Variants in TRPM4 observed in about 807,000 individuals in gnomAD.
TRPM4 encodes transient receptor potential cation channel subfamily M member 4, also known as calcium-activated non-selective cation channel 1.
Under a neutral mutation model 135.6 loss-of-function variants are expected in TRPM4, and 124 were observed. The observed-to-expected ratio is 0.91, with a 90% CI of 0.79 to 1.06. TRPM4 has a LOEUF of 1.06. Ranked by LOEUF, TRPM4 falls within the 50% of genes least tolerant of loss-of-function variation. The pLI is 0.00. For missense variants in TRPM4, 1,658 were observed against 1,671.4 expected, an observed-to-expected ratio of 0.99 and a Z score of 0.14; for synonymous variants, 745 against 705.6, an observed-to-expected ratio of 1.06 and a Z score of -0.88.
chr19:49,182,414 A>G (rs1392369385), intron 10 of TRPM4, 164 bp from the exon 11 acceptor site: 1 of 675,072 alleles, frequency 1.5e-6, no homozygotes, highest in Non-Finnish European at 2.7e-6. Context: ...CCATCTGTCC[A>G]TCCATCCATC....
intron 17 of TRPM4, among the ~76,000 whole-genome samples, chr19:49,199,064 C>T (rs1968810668): frequency 1.3e-5 from 2 of 152,028 alleles, no homozygotes; most frequent in South Asian, 2.1e-4. Flanking sequence ...TGAGGCCATG[C>T]TCGACAATGC....
intron 16 of TRPM4, among the ~76,000 whole-genome samples, chr19:49,192,002 G>A (rs915291400): frequency 2.0e-5 from 3 of 152,204 alleles, no homozygotes; most frequent in Non-Finnish European, 1.5e-5. Context: ...TGTAGCAAGC[G>A]GAATCAGTTG....
At chr19:49,198,906 T>G (rs1021397405) in intron 17 of TRPM4, among the ~76,000 whole-genome samples, 2 of 151,886 alleles carry the variant, frequency 1.3e-5, no homozygotes, top group Non-Finnish European at 2.9e-5. Flanking sequence ...GCCTTCTGTT[T>G]TTTTATTATT....
intron 16 of TRPM4, among the ~76,000 whole-genome samples, chr19:49,193,167 T>G (rs1568481220): frequency 2.0e-5 from 3 of 147,634 alleles, no homozygotes; most frequent in South Asian, 2.2e-4. Context: ...TGCAAGCTCC[T>G]CCTCCCGGGT....
At chr19:49,183,311 C>T in intron 12 of TRPM4, 99 bp downstream of exon 12, 3 of 1,516,364 alleles carry the variant, frequency 2.0e-6, no homozygotes, top group Non-Finnish European at 2.7e-6. Context: ...CCCCTGACGT[C>T]ACCTGACAGG....
In TRPM4 at chr19:49,161,684, C is replaced by T. The variant is rs141063527; in HGVS notation, c.92+3425C>T. The stretch of plus-strand genomic sequence containing the variant: ...TCGCTCTATCACCCAGGCTGGAGTG[C>T]AGTAGTGCGATCTCGGCTCACTTCA... On this transcript the variant is annotated intron_variant, in intron 2 of 24. Transcript: ENST00000252826. Among the ~76,000 whole-genome samples, 35 of 150,502 alleles carry T rather than the reference C, an allele frequency of 2.3e-4. No homozygotes were observed. The East Asian group carries it at 4.5e-3, about 19-fold the overall frequency.
At chr19:49,161,327 T>A (rs890502550) in intron 2 of TRPM4, among the ~76,000 whole-genome samples, 2 of 80,106 alleles carry the variant, frequency 2.5e-5, no homozygotes, top group East Asian at 4.5e-4. Flanking sequence ...CTCTCTCTTT[T>A]TTTTTTTTTT....
intron 14 of TRPM4, 131 bp downstream of exon 14, chr19:49,189,222 C>T (rs1483198628): frequency 7.5e-7 from 1 of 1,331,996 alleles, no homozygotes; most frequent in Non-Finnish European, 1.0e-6. Flanking sequence ...CCCAGAAAGT[C>T]TCTCTTCTCT....
rs766101913 is a variant in TRPM4 at position 49,210,778 on chromosome 19, C to G, written c.3397C>G (p.Leu1133Val). Residue 1133 changes from leucine to valine, a missense_variant, in exon 22 of 25, where the codon CTG (leucine) becomes GTG (valine). Physicochemically the swap from Leu to Val is conservative, Grantham distance 32. Coordinates refer to ENST00000252826, the MANE Select transcript of TRPM4 (RefSeq NM_017636.4). This position sits in a 1 kb window ranked among gnomAD's most constrained non-coding sequence, Gnocchi z 4.1. ...GGAATCGGTGCATAAGGAGAACTTT[C>G]TGCTGGCACGCGCTAGGGACAAGCG... The part of the protein sequence containing the change: ...TWESVHKENF[L>V]LARARDKRES... 1.9e-6 allele frequency: 3 copies of G among 1,614,064 alleles called. No homozygotes were observed. In the South Asian group the frequency reaches 3.3e-5, roughly 18 times the overall value.
chr19:49,196,160 G>C (rs1968626341), intron 16 of TRPM4, among the ~76,000 whole-genome samples: 1 of 151,916 alleles, frequency 6.6e-6, no homozygotes, highest in South Asian at 2.1e-4. Flanking sequence ...GCCCGATCCG[G>C]GTATATTTTT....
At chr19:49,181,284 A>G in intron 9 of TRPM4, 65 bp from the exon 10 acceptor site, 1 of 1,249,650 alleles carries the variant, frequency 8.0e-7, no homozygotes, top group South Asian at 1.2e-5. Context: ...TAGAGGCAAA[A>G]TAGACATTCA....
At chr19:49,182,354 GTCCA>G (rs71180605) in intron 10 of TRPM4, among the ~76,000 whole-genome samples, 2,609 of 79,614 alleles carry the variant, frequency 0.033, 64 homozygotes, top group Admixed American at 0.095. Context: ...CCATCCCTCT[GTCCA>G]TCCATCCATC....
intron 10 of TRPM4, 69 bp from the exon 11 acceptor site, chr19:49,182,509 A>C: frequency 1.6e-6 from 2 of 1,288,190 alleles, no homozygotes; most frequent in South Asian, 2.4e-5. Flanking sequence ...TCCGTCCCTC[A>C]TACCCTTGCC....
At chr19:49,206,483 A>G (rs965424339) in intron 20 of TRPM4, among the ~76,000 whole-genome samples, 3 of 143,396 alleles carry the variant, frequency 2.1e-5, no homozygotes, top group Non-Finnish European at 4.5e-5. Flanking sequence ...CTTGTTGCCC[A>G]GGCTGGAGTG....
chr19:49,171,151 G>A lies in TRPM4; in HGVS notation c.797-206G>A, dbSNP rs962940425. ...GAGGATTGCTTGAGGCCAGGAGTTC[G>A]AGACCACCCTGGCCAACATAGCAAG... On this transcript the variant is annotated intron_variant, in intron 6 of 24. Coordinates refer to ENST00000252826, the MANE Select transcript of TRPM4 (RefSeq NM_017636.4). This position sits in a 1 kb window ranked among gnomAD's most constrained non-coding sequence, Gnocchi z 4.7. Among the ~76,000 whole-genome samples the A allele has an allele frequency of 2.4e-4, 36 of 152,250 alleles. No homozygotes were observed. The Middle Eastern group carries it at 0.01, about 43-fold the overall frequency.
chr19:49,164,350 C>T, intron 2 of TRPM4, among the ~76,000 whole-genome samples: 4 of 97,582 alleles, frequency 4.1e-5, no homozygotes, highest in Admixed American at 2.7e-4. Context: ...CTCCCTCCTT[C>T]CTTTCTTTCC....
chr19:49,166,004 G>A lies in TRPM4; in HGVS notation c.93-37G>A, dbSNP rs1200108372. The A allele has an allele frequency of 3.2e-6, 5 of 1,558,002 alleles. No individual in the cohort carries two copies. The South Asian group carries it at 3.5e-5, about 11-fold the overall frequency. On this transcript the variant is annotated intron_variant, in intron 2 of 24. Transcript: ENST00000252826. ...GCTGACAGGGTGCTGGGGTCGGGGG[G>A]CAGCCCTGGGTTCACGCTCCGCCCT...
At position 49,172,058 on chromosome 19, in the gene TRPM4, A is replaced by G. The variant is rs754837326; in HGVS notation, c.1100A>G (p.Glu367Gly). 1.4e-5 allele frequency: 22 copies of G among 1,614,058 alleles called. No homozygotes were observed. The highest frequency in any genetic ancestry group is 1.7e-5 in the Non-Finnish European group (20 of 1,179,984). ...GAGCTCCTGACAGTCTATTCTTCTG[A>G]GGATGGGTCTGAGGAATTCGAGACC... Reference protein sequence around the residue: ...RKELLTVYSSEDGSEEFETIV... With the variant: ...RKELLTVYSSGDGSEEFETIV... The change falls in exon 9 of 25, where the codon GAG (glutamate) becomes GGG (glycine). Residue 367 changes from glutamate to glycine, a missense_variant. Physicochemically the swap from Glu to Gly is moderately conservative, Grantham distance 98. Coordinates refer to ENST00000252826, the MANE Select transcript of TRPM4 (RefSeq NM_017636.4).
At chr19:49,200,482 G>A (rs772195867) in intron 18 of TRPM4, 50 bp downstream of exon 18, 6 of 1,595,310 alleles carry the variant, frequency 3.8e-6, no homozygotes, top group Non-Finnish European at 5.1e-6. Flanking sequence ...GAAAGGGGTG[G>A]GGCCAGGGAG....
Sources: allele counts gnomAD v4.1 joint callset (sites outside exome capture counted in the v4.1 genomes callset), GRCh38; gene constraint gnomAD v4.1.1; non-coding constraint Gnocchi (gnomAD v3.1); transcripts MANE v1.5; gene names NCBI Gene and HGNC (gene_info 2026-07-23, HGNC 2026-07-21).